Variants in ZNF536 observed in about 807,000 individuals in gnomAD.
The protein encoded by ZNF536 is zinc finger protein 536.
In ZNF536, 13 loss-of-function variants were observed where a neutral mutation model predicts 84.5. The observed-to-expected ratio is 0.15, with a 90% CI of 0.10 to 0.24. The LOEUF (loss-of-function observed/expected upper bound fraction) is 0.24, where lower values mean the gene tolerates loss of function less well. Among genes scored for constraint, ZNF536 ranks in the 10% least tolerant of loss-of-function variants. ZNF536 has a pLI of 1.00. For missense variants in ZNF536, 1,536 were observed against 1,747.5 expected, an observed-to-expected ratio of 0.88 and a Z score of 2.16; for synonymous variants, 811 against 742.5, an observed-to-expected ratio of 1.09 and a Z score of -1.50.
intron 1 of ZNF536, among the ~76,000 whole-genome samples, chr19:30,691,415 A>G (rs2051403715): frequency 7.8e-6 from 1 of 128,088 alleles, no homozygotes; most frequent in African/African-American, 2.7e-5. Context: ...ACATTCCTCA[A>G]CTGTTAATCA....
At chr19:30,254,220 C>A (rs2024784225) in intron 1 of ZNF536, among the ~76,000 whole-genome samples, 1 of 152,130 alleles carries the variant, frequency 6.6e-6, no homozygotes, top group Admixed American at 6.5e-5. Context: ...TGGGTAAAGA[C>A]GGAGAGTTCA....
At chr19:30,620,612 C>T (rs1326583113) in intron 1 of ZNF536, among the ~76,000 whole-genome samples, 1 of 152,132 alleles carries the variant, frequency 6.6e-6, no homozygotes, top group East Asian at 1.9e-4. Flanking sequence ...AAATGTCATC[C>T]CCATGTGTTG....
chr19:30,315,242 A>G (rs2046639866), intron 2 of ZNF536, among the ~76,000 whole-genome samples: 1 of 152,184 alleles, frequency 6.6e-6, no homozygotes, highest in Non-Finnish European at 1.5e-5. Flanking sequence ...TGTGAAGTGT[A>G]CTGTCCAATG....
rs116616779 is a variant in ZNF536, at chr19:30,474,429, C to T, written c.2170+28697C>T. 1.9e-3 allele frequency among the ~76,000 whole-genome samples: 292 copies of T among 152,146 alleles called. 2 individuals are homozygous for T. The highest frequency in any genetic ancestry group is 6.8e-3 in the African/African-American group (281 of 41,506). ...ATTGTTATCTGGGTCTTGTTCCTCACGTTTTCCACTCCCTCAGACACCCGC... is the reference window on the plus strand; with the variant it reads ...ATTGTTATCTGGGTCTTGTTCCTCATGTTTTCCACTCCCTCAGACACCCGC... On this transcript the variant is annotated intron_variant, in intron 2 of 4. Coordinates refer to ENST00000355537, the MANE Select transcript of ZNF536 (RefSeq NM_014717.3).
At chr19:30,664,254 CTCTCT>C (rs2050237322) in intron 1 of ZNF536, among the ~76,000 whole-genome samples, 1 of 146,450 alleles carries the variant, frequency 6.8e-6, no homozygotes, top group Admixed American at 7.0e-5. Flanking sequence ...CTCTCTCTCT[CTCTCT>C]CTCCCTCTCC....
At chr19:30,711,495 C>T (rs1454115282) in exon 2 of ZNF536, 1 of 152,194 alleles carries the variant, frequency 6.6e-6, no homozygotes, top group Non-Finnish European at 1.5e-5. Context: ...GCTGCGGTGC[C>T]AGTCAGACTG....
intron 1 of ZNF536, among the ~76,000 whole-genome samples, chr19:30,594,660 C>G (rs1008844822): frequency 1.3e-5 from 2 of 152,098 alleles, no homozygotes; most frequent in Non-Finnish European, 2.9e-5. Flanking sequence ...CACACCAGGG[C>G]ACCCCCTGGG....
At chr19:30,397,624 C>G (rs555902061) in intron 1 of ZNF536, among the ~76,000 whole-genome samples, 1 of 152,336 alleles carries the variant, frequency 6.6e-6, no homozygotes, top group South Asian at 2.1e-4. Context: ...TTCCACCATA[C>G]TCCTTACAGT....
At chr19:30,378,249 C>G (rs1324469753) in intron 1 of ZNF536, among the ~76,000 whole-genome samples, 1 of 152,144 alleles carries the variant, frequency 6.6e-6, no homozygotes, top group Non-Finnish European at 1.5e-5. Flanking sequence ...TGCAAACTGC[C>G]TCCGTGGTTC....
At chr19:30,481,037 A>G (rs1314661356) in intron 2 of ZNF536, among the ~76,000 whole-genome samples, 1 of 152,050 alleles carries the variant, frequency 6.6e-6, no homozygotes, top group Admixed American at 6.6e-5. Context: ...TCAAAAAAAA[A>G]AAAAAAAGGG....
At chr19:30,428,065 A>G (rs2051291578) in intron 1 of ZNF536, among the ~76,000 whole-genome samples, 1 of 152,112 alleles carries the variant, frequency 6.6e-6, no homozygotes, top group Non-Finnish European at 1.5e-5. Context: ...GGGGTGTTTG[A>G]CTTTTCCTTG....
chr19:30,400,841 C>G (rs1568392912), intron 1 of ZNF536, among the ~76,000 whole-genome samples: 1 of 152,124 alleles, frequency 6.6e-6, no homozygotes, highest in African/African-American at 2.4e-5. Flanking sequence ...GGGTTTTCTG[C>G]AGAGCAAAAA....
chr19:30,238,622 C>T (rs1015006869), intron 1 of ZNF536, among the ~76,000 whole-genome samples: 1 of 152,104 alleles, frequency 6.6e-6, no homozygotes, highest in Non-Finnish European at 1.5e-5. Flanking sequence ...TTTCCTCCCT[C>T]CCTCCCTTTC....
At chr19:30,615,695 G>A (rs2048269832) in intron 1 of ZNF536, among the ~76,000 whole-genome samples, 1 of 152,014 alleles carries the variant, frequency 6.6e-6, no homozygotes, top group South Asian at 2.1e-4. Flanking sequence ...AAGGTAAAAA[G>A]CTACATTAAG....
At chr19:30,696,932 T>A (rs1317824366) in intron 1 of ZNF536, among the ~76,000 whole-genome samples, 1 of 152,224 alleles carries the variant, frequency 6.6e-6, no homozygotes, top group Admixed American at 6.5e-5. Flanking sequence ...ATGTTCTGCC[T>A]CTCTCTGGCT....
intron 1 of ZNF536, among the ~76,000 whole-genome samples, chr19:30,654,313 C>T (rs971600554): frequency 2.6e-5 from 4 of 152,130 alleles, no homozygotes; most frequent in African/African-American, 9.7e-5. Context: ...GGGATCATCA[C>T]AAAATCTGGA....
At chr19:30,480,548 T>TG (rs2054034911) in intron 2 of ZNF536, among the ~76,000 whole-genome samples, 1 of 151,264 alleles carries the variant, frequency 6.6e-6, no homozygotes, top group South Asian at 2.1e-4. Flanking sequence ...GGGCCTGTCG[T>TG]GGGGTAGGGG....
intron 1 of ZNF536, among the ~76,000 whole-genome samples, chr19:30,590,110 C>G (rs1225609282): frequency 2.0e-5 from 3 of 152,198 alleles, no homozygotes; most frequent in Admixed American, 1.3e-4. Flanking sequence ...TTCTCTCCAG[C>G]AGGCCTGGGC....
chr19:30,605,812 A>C (rs2047849415), intron 1 of ZNF536, among the ~76,000 whole-genome samples: 2 of 152,198 alleles, frequency 1.3e-5, no homozygotes, highest in African/African-American at 4.8e-5. Flanking sequence ...GACTATCACC[A>C]GCTCACAGTC....
Sources: gnomAD v4.1 joint callset for allele counts (sites outside exome capture counted in the v4.1 genomes callset) on GRCh38, gnomAD v4.1.1 for gene constraint, MANE v1.5 for transcripts, NCBI Gene and HGNC (gene_info 2026-07-23, HGNC 2026-07-21) for gene names.